The following CGN variants were observed in gnomAD, a reference collection of about 807,000 sequenced individuals.
CGN encodes cingulin.
CGN carries 121 observed loss-of-function variants against 157.1 expected under a neutral mutation model. The ratio of observed to expected loss-of-function variants is 0.77; its 90% CI spans 0.66 to 0.90. CGN has a LOEUF of 0.90. Ranked by LOEUF, CGN falls within the 40% of genes least tolerant of loss-of-function variation. CGN has a pLI of 0.00. For synonymous variants in CGN, 535 were observed against 607.5 expected, an observed-to-expected ratio of 0.88 and a Z score of 1.76; for missense variants, 1,424 against 1,520.9, an observed-to-expected ratio of 0.94 and a Z score of 1.06.
At position 151,511,479 on chromosome 1, in the gene CGN, C is replaced by CCCGAGT; in HGVS notation, c.-47_-46insGTCCGA. 1 of 190,624 alleles carries CCCGAGT rather than the reference C, an allele frequency of 5.2e-6. No individual in the cohort carries two copies. Among genetic ancestry groups the CCCGAGT allele is most frequent in the Non-Finnish European group, 1.1e-5 (1 of 91,594 alleles). 11.8% of individuals were successfully genotyped at this position (190,624 alleles called of 1,614,324 possible). A position where few individuals can be genotyped will look rare whatever the true frequency, so the allele number is the denominator to read the frequency against. The stretch of plus-strand genomic sequence containing the variant: ...GCCCGAGCCCGAGCCCGAGCCCGAG[C>CCCGAGT]CCGAACGCAAGCCTGGGAGCGCGGA... On this transcript the variant is annotated 5_prime_UTR_variant, in exon 1 of 21. Transcript: ENST00000271636. The surrounding 1 kb of genome is among the most constrained non-coding windows in gnomAD (Gnocchi z 4.8).
intron 14 of CGN, among the ~76,000 whole-genome samples, chr1:151,532,809 CG>C (rs1238650014): frequency 1.3e-5 from 2 of 151,828 alleles, no homozygotes; most frequent in Non-Finnish European, 2.9e-5. Context: ...TCAGTAGAGA[CG>C]GGGTTTCACC....
intron 10 of CGN, 152 bp downstream of exon 10, chr1:151,527,259 A>G: frequency 2.5e-6 from 2 of 793,300 alleles, no homozygotes; most frequent in South Asian, 1.7e-5. Context: ...TTTCCAGCAC[A>G]GCAGCACCAG....
At position 151,532,414 on chromosome 1, in the gene CGN, G is replaced by A. The variant is rs142577828; in HGVS notation, c.2584G>A (p.Gly862Arg). ...DRLNKELEKI[G>R]EDSKQALQQL... is the part of the protein sequence containing the mutation. ...CTCTGTGTTTCAGTTGGAGAAGATC[G>A]GGGAGGACTCTAAGCAAGCCCTGCA... The change falls in exon 14 of 21, where the codon GGG (glycine) becomes AGG (arginine). Residue 862 changes from glycine to arginine, a missense_variant. Gly to Arg is a moderately radical substitution (Grantham distance 125, BLOSUM62 -2). This residue lies in a region of CGN where 1,187 missense variants were observed against 1,217.6 expected (regional missense o/e 0.97). Transcript: ENST00000271636. 42 of 1,571,682 alleles carry A rather than the reference G, an allele frequency of 2.7e-5. No individual in the cohort carries two copies. In the Admixed American group the frequency reaches 6.5e-4, roughly 24 times the overall value.
upstream of CGN, chr1:151,510,867 G>A (rs552684793): frequency 6.6e-6 from 1 of 152,344 alleles, no homozygotes; most frequent in Admixed American, 6.5e-5. Flanking sequence ...AGATAAAAGA[G>A]AATCCAAGAT....
rs1328679284 is a variant in CGN, at chr1:151,537,490, T to A, written c.*144T>A. 15 of 432,746 alleles carry A rather than the reference T, an allele frequency of 3.5e-5. No individual in the cohort carries two copies. Among genetic ancestry groups the A allele is most frequent in the Middle Eastern group, 6.3e-4 (1 of 1,584 alleles). 26.8% of individuals were successfully genotyped at this position (432,746 alleles called of 1,614,324 possible). On this transcript the variant is annotated 3_prime_UTR_variant, in exon 21 of 21. Transcript: ENST00000271636. The stretch of plus-strand genomic sequence containing the variant: ...CAGGGAGGGGTCAGAGTGATGGTGA[T>A]AAAAAAAAAAAATCATCAGCAATAA...
In CGN at chr1:151,518,935, C is replaced by T. The variant is rs181435993; in HGVS notation, c.416C>T (p.Ala139Val). 1.7e-4 allele frequency: 281 copies of T among 1,614,180 alleles called. 1 individual carries two copies. In the East Asian group the frequency reaches 5.5e-3, roughly 32 times the overall value. The change falls in exon 2 of 21, where the codon GCC (alanine) becomes GTC (valine). Residue 139 changes from alanine to valine, a missense_variant. Ala to Val is a moderately conservative substitution (Grantham distance 64). Around this residue, in one of 3 missense-constraint regions of CGN, gnomAD observed 1,187 missense variants for 1,217.6 expected, o/e 0.97. Coordinates refer to ENST00000271636, the MANE Select transcript of CGN (RefSeq NM_020770.3). ...NGKLLRSHSQ[A>V]SLAGPGPVDP... is the part of the protein sequence containing the mutation. ...AAGCTACTCCGTTCCCACTCCCAGGCCTCACTGGCAGGCCCTGGCCCAGTG... is the reference window on the plus strand; with the variant it reads ...AAGCTACTCCGTTCCCACTCCCAGGTCTCACTGGCAGGCCCTGGCCCAGTG...
intron 1 of CGN, among the ~76,000 whole-genome samples, chr1:151,513,599 T>C (rs1362000160): frequency 6.6e-6 from 1 of 152,234 alleles, no homozygotes; most frequent in Admixed American, 6.5e-5. Context: ...GCATATTGCC[T>C]GGCCCTATGT....
intron 2 of CGN, 50 bp from the exon 3 acceptor site, chr1:151,520,116 C>A: frequency 6.9e-7 from 1 of 1,447,182 alleles, no homozygotes; most frequent in Non-Finnish European, 9.4e-7. Context: ...CCTAATCTTC[C>A]TATTTCTTTC....
chr1:151,530,156 G>C, intron 12 of CGN, 41 bp downstream of exon 12: 1 of 1,570,096 alleles, frequency 6.4e-7, no homozygotes, highest in Non-Finnish European at 8.7e-7. Context: ...GCTCAGCCCT[G>C]GTGAAATACT....
chr1:151,534,409 T>C, intron 15 of CGN: 1 of 459,514 alleles, frequency 2.2e-6, no homozygotes, highest in South Asian at 2.6e-5. Flanking sequence ...AGCAGTGGGT[T>C]TCCCCTTTAG....
At chr1:151,532,711 CGG>C (rs1254866154) in intron 14 of CGN, 139 bp downstream of exon 14, 8 of 603,552 alleles carry the variant, frequency 1.3e-5, no homozygotes, top group Non-Finnish European at 1.7e-5. Context: ...GCTCTGCCTC[CGG>C]GGTTCACACC....
At chr1:151,527,945 T>A (rs1664726376) in intron 10 of CGN, 2 of 140,846 alleles carry the variant, frequency 1.4e-5, no homozygotes, top group Admixed American at 9.8e-5. Flanking sequence ...TATATATATA[T>A]ATATATTTTT....
rs778510582 is a variant in CGN at position 151,523,437 on chromosome 1, C to A, written c.1144C>A (p.Arg382=). ...QRKLDEEVKK[R]QKLEPSQVGL... ...GTACTCTCATTCCCTTTTACAGAAG[C>A]GGCAGAAGCTAGAGCCATCCCAAGT... The change falls in exon 6 of 21, where the codon CGG becomes AGG. Residue 382 remains arginine, a synonymous_variant. Transcript: ENST00000271636. The A allele has an allele frequency of 1.2e-6, 2 of 1,608,418 alleles. No individual in the cohort carries two copies. Among genetic ancestry groups the A allele is most frequent in the African/African-American group, 1.3e-5 (1 of 74,690 alleles).
chr1:151,520,596 A>T lies in CGN; in HGVS notation c.1045A>T (p.Met349Leu), dbSNP rs746842559. ...LVLEKMQPLVMVSSGSTKAVA... is the reference protein window; with the variant it reads ...LVLEKMQPLVLVSSGSTKAVA... ...CCCACACCCCCCATATCTCTGGCAG[A>T]TGGTTTCTTCTGGTTCTACTAAGGC... The change falls in exon 5 of 21, where the codon ATG becomes TTG. Residue 349 changes from methionine (M) to leucine (L), a missense_variant and splice_region_variant. Transcript: ENST00000271636. 1 of 1,614,170 alleles carries T rather than the reference A, an allele frequency of 6.2e-7. No individual in the cohort carries two copies. The highest frequency in any genetic ancestry group is 1.1e-5 in the South Asian group (1 of 91,086).
Position 151,524,596 on chromosome 1 carries a change from A to G in CGN, c.1402-78A>G. The G allele has an allele frequency of 7.5e-7, 1 of 1,336,088 alleles. No individual in the cohort carries two copies. Among genetic ancestry groups the G allele is most frequent in the South Asian group, 1.3e-5 (1 of 76,026 alleles). The allele number at this position is 1,336,088 out of a possible 1,614,324, so 82.8% of individuals were successfully genotyped here. ...TGGTACTGTGCCTAATACGATAAAT[A>G]TTTTTTGACTCAGTGAATTGATAAA... On this transcript the variant is annotated intron_variant, in intron 7 of 20. Coordinates refer to ENST00000271636, the MANE Select transcript of CGN (RefSeq NM_020770.3). The surrounding 1 kb of genome is among the most constrained non-coding windows in gnomAD (Gnocchi z 4.4).
At chr1:151,514,608 G>A (rs1187181594) in intron 1 of CGN, among the ~76,000 whole-genome samples, 1 of 151,990 alleles carries the variant, frequency 6.6e-6, no homozygotes, top group Non-Finnish European at 1.5e-5. Flanking sequence ...GGGACACAGT[G>A]GTTAGCTGCT....
Position 151,529,479 on chromosome 1 carries a change from G to C in CGN, c.2026G>C (p.Gly676Arg), listed in dbSNP as rs1292483550. ...GGTCCTGAGGGTCGAGGCTGATCGA[G>C]GTCGGGAGCTGGAAGAACAGAACCT... ...LAVLRVEADR[G>R]RELEEQNLQL... The change falls in exon 11 of 21, where the codon GGT (glycine) becomes CGT (arginine). Residue 676 changes from glycine to arginine, a missense_variant. Coordinates refer to ENST00000271636, the MANE Select transcript of CGN (RefSeq NM_020770.3). 1.9e-6 allele frequency: 3 copies of C among 1,613,790 alleles called. No homozygotes were observed. The highest frequency in any genetic ancestry group is 1.1e-5 in the South Asian group (1 of 91,060).
chr1:151,520,805 A>T (rs755308193), intron 5 of CGN, 114 bp downstream of exon 5: 26 of 838,244 alleles, frequency 3.1e-5, no homozygotes, highest in Middle Eastern at 6.2e-4. Context: ...TTTGTGTCTT[A>T]TGAGACAAGA....
At position 151,518,711 on chromosome 1, in the gene CGN, C is replaced by T; in HGVS notation, c.192C>T (p.Pro64=). Residue 64 remains proline (P), a synonymous_variant, in exon 2 of 21, where the codon CCC becomes CCT. Coordinates refer to ENST00000271636, the MANE Select transcript of CGN (RefSeq NM_020770.3). ...GTGTGCAGGGAATCGCTGGGCAGCC[C>T]TTTGTGGTGCTCAACAGTGGGGAGA... ...AVRVQGIAGQ[P]FVVLNSGEKG... 1 of 1,614,118 alleles carries T rather than the reference C, an allele frequency of 6.2e-7. No homozygotes were observed. Among genetic ancestry groups the T allele is most frequent in the South Asian group, 1.1e-5 (1 of 91,074 alleles).
Sources: allele counts gnomAD v4.1 joint callset (sites outside exome capture counted in the v4.1 genomes callset), GRCh38; gene constraint gnomAD v4.1.1; regional missense constraint gnomAD v4.1.1; non-coding constraint Gnocchi (gnomAD v3.1); transcripts MANE v1.5; gene names NCBI Gene and HGNC (gene_info 2026-07-23, HGNC 2026-07-21).